The following RIN3 variants were observed in gnomAD, a reference collection of about 807,000 sequenced individuals.
The protein encoded by RIN3 is RAB5 interacting protein 3.
RIN3 carries 54 observed loss-of-function variants against 76.3 expected under a neutral mutation model. That is an observed-to-expected ratio of 0.71 (90% CI 0.57 to 0.89). The LOEUF (loss-of-function observed/expected upper bound fraction) is 0.89. RIN3 is among the 40% of genes least tolerant of loss of function. The pLI, the probability that RIN3 is intolerant of heterozygous loss-of-function variation, is 0.00. For synonymous variants in RIN3, 576 were observed against 564.0 expected (o/e 1.02, Z -0.30); for missense variants, 1,256 against 1,322.1 (o/e 0.95, Z 0.78).
intron 3 of RIN3, among the ~76,000 whole-genome samples, chr14:92,604,084 T>C (rs530459965): frequency 6.6e-6 from 1 of 152,326 alleles, no homozygotes; most frequent in South Asian, 2.1e-4. Context: ...ACTATGTCCT[T>C]CAAAATGGGG....
chr14:92,555,825 C>A lies in RIN3; in HGVS notation c.119C>A (p.Pro40Gln), dbSNP rs761099402. ...ATGCGGCTTTGTCTGCCAGCCAACC[C>A]GAAAAACTGCCTTCCTCACCGCCGG... ...DGMRLCLPAN[P>Q]KNCLPHRRGI... Residue 40 changes from proline to glutamine, a missense_variant, in exon 2 of 10, where the codon CCG becomes CAG. Coordinates refer to ENST00000216487, the MANE Select transcript of RIN3 (RefSeq NM_024832.5). 5.6e-6 allele frequency: 9 copies of A among 1,614,130 alleles called. No individual in the cohort carries two copies. Among genetic ancestry groups the A allele is most frequent in the Non-Finnish European group, 7.6e-6 (9 of 1,180,024 alleles).
intron 3 of RIN3, among the ~76,000 whole-genome samples, chr14:92,609,843 CTG>C (rs34350495): frequency 0.06 from 8,287 of 138,292 alleles, 237 homozygotes; most frequent in Non-Finnish European, 0.071. Flanking sequence ...GAAATTCAGT[CTG>C]TGTGTGTGTG....
intron 1 of RIN3, among the ~76,000 whole-genome samples, chr14:92,521,153 T>TCCACCCACCAAC (rs1480397860): frequency 6.7e-6 from 1 of 150,078 alleles, no homozygotes; most frequent in African/African-American, 2.5e-5. Context: ...CATCCATACA[T>TCCACCCACCAAC]CCACCCATCA....
chr14:92,628,622 G>T (rs566057652), intron 4 of RIN3, among the ~76,000 whole-genome samples: 1 of 152,122 alleles, frequency 6.6e-6, no homozygotes, highest in Non-Finnish European at 1.5e-5. Flanking sequence ...TTCCTGTTCC[G>T]TGAACTTTAA....
intron 1 of RIN3, among the ~76,000 whole-genome samples, chr14:92,526,955 G>C (rs74581390): frequency 0.06 from 9,100 of 152,148 alleles, 924 homozygotes; most frequent in African/African-American, 0.21. Context: ...CAATGCCTGG[G>C]GTCCCTTGGC....
chr14:92,519,730 G>GT (rs747927742), intron 1 of RIN3, among the ~76,000 whole-genome samples: 1 of 152,232 alleles, frequency 6.6e-6, no homozygotes, highest in Non-Finnish European at 1.5e-5. Context: ...GGGGGCGGCA[G>GT]TGACGCTGTG....
chr14:92,681,165 A>G lies in RIN3; in HGVS notation c.2468-3822A>G, dbSNP rs1034042473. On this transcript the variant is annotated intron_variant, in intron 8 of 9. Transcript: ENST00000216487. This position sits in a 1 kb window ranked among gnomAD's most constrained non-coding sequence, Gnocchi z 4.7. ...GGCCATGCCGGGCTGGTGTCTTTCCAGGGGCAGTGGGTTTTTCCAATCAAC... is the reference window on the plus strand; with the variant it reads ...GGCCATGCCGGGCTGGTGTCTTTCCGGGGGCAGTGGGTTTTTCCAATCAAC... Among the ~76,000 whole-genome samples, 1 of 152,142 alleles carries G rather than the reference A, an allele frequency of 6.6e-6. No homozygotes were observed. The highest frequency in any genetic ancestry group is 2.4e-5 in the African/African-American group (1 of 41,408).
chr14:92,672,429 A>C (rs1224870923), intron 7 of RIN3, among the ~76,000 whole-genome samples: 1 of 152,134 alleles, frequency 6.6e-6, no homozygotes, highest in East Asian at 1.9e-4. Flanking sequence ...AGAAAAAGAA[A>C]ATAGAGACTG....
At chr14:92,544,479 C>T (rs907332607) in intron 1 of RIN3, among the ~76,000 whole-genome samples, 8 of 150,832 alleles carry the variant, frequency 5.3e-5, no homozygotes, top group East Asian at 2.0e-4. Context: ...CTTTGGATGG[C>T]CAGTTGAATC....
intron 4 of RIN3, among the ~76,000 whole-genome samples, chr14:92,634,377 G>A (rs1040782106): frequency 6.6e-6 from 1 of 152,062 alleles, no homozygotes; most frequent in African/African-American, 2.4e-5. Flanking sequence ...ACTGCACCCA[G>A]CCAGCTAAAA....
chr14:92,666,294 C>T (rs188551544), intron 7 of RIN3, among the ~76,000 whole-genome samples: 84 of 152,216 alleles, frequency 5.5e-4, no homozygotes, highest in African/African-American at 1.9e-3. Context: ...GTTGGAACAG[C>T]GAGGAAAGGG....
intron 2 of RIN3, among the ~76,000 whole-genome samples, chr14:92,564,310 A>G (rs866317091): frequency 6.6e-6 from 1 of 152,208 alleles, no homozygotes; most frequent in Admixed American, 6.5e-5. Flanking sequence ...TAGTGAAATA[A>G]GTTGGTCTTT....
chr14:92,675,007 T>C (rs567386981), intron 7 of RIN3, among the ~76,000 whole-genome samples: 30 of 152,316 alleles, frequency 2.0e-4, no homozygotes, highest in Admixed American at 7.2e-4. Flanking sequence ...ATGTGTGTGA[T>C]AGGAACTTGC....
intron 4 of RIN3, among the ~76,000 whole-genome samples, chr14:92,640,093 T>C (rs1317067710): frequency 6.8e-6 from 1 of 146,076 alleles, no homozygotes; most frequent in East Asian, 2.1e-4. Context: ...TGCCTGACTG[T>C]GTGTTCGTCG....
intron 3 of RIN3, among the ~76,000 whole-genome samples, chr14:92,602,720 G>A (rs1391758565): frequency 6.6e-6 from 1 of 152,132 alleles, no homozygotes; most frequent in Non-Finnish European, 1.5e-5. Flanking sequence ...TGGGAATTTG[G>A]GAGAAGGAGG....
chr14:92,674,016 T>G (rs1223682359), intron 7 of RIN3, among the ~76,000 whole-genome samples: 2 of 152,224 alleles, frequency 1.3e-5, no homozygotes, highest in Non-Finnish European at 2.9e-5. Context: ...TCCACCTGGT[T>G]CAAAATATGA....
At chr14:92,545,106 G>GTTTTT (rs540126016) in intron 1 of RIN3, among the ~76,000 whole-genome samples, 16 of 82,168 alleles carry the variant, frequency 1.9e-4, no homozygotes, top group African/African-American at 5.5e-4. Context: ...ACTTTCTGGT[G>GTTTTT]TTTTTTTTTT....
At chr14:92,660,803 A>G (rs1392167830) in intron 7 of RIN3, among the ~76,000 whole-genome samples, 1 of 152,238 alleles carries the variant, frequency 6.6e-6, no homozygotes, top group African/African-American at 2.4e-5. Context: ...ATTTGACTGC[A>G]GTCCTCCAGG....
intron 3 of RIN3, among the ~76,000 whole-genome samples, chr14:92,609,498 A>C (rs74072980): frequency 2.6e-5 from 4 of 152,198 alleles, no homozygotes; most frequent in Non-Finnish European, 4.4e-5. Context: ...GAATGTACTC[A>C]GCGTGACAAG....
Sources: allele counts gnomAD v4.1 joint callset (sites outside exome capture counted in the v4.1 genomes callset), GRCh38; gene constraint gnomAD v4.1.1; non-coding constraint Gnocchi (gnomAD v3.1); transcripts MANE v1.5; gene names NCBI Gene and HGNC (gene_info 2026-07-23, HGNC 2026-07-21).